FBXL19: variants seen among roughly 807,000 people sequenced by gnomAD.
FBXL19 encodes the protein F-box and leucine rich repeat protein 19.
Under a neutral mutation model 71.2 loss-of-function variants are expected in FBXL19, and 16 were observed. The observed-to-expected ratio is 0.22, with a 90% CI of 0.15 to 0.34. FBXL19 has a LOEUF of 0.34. Among genes scored for constraint, FBXL19 ranks in the 10% least tolerant of loss-of-function variants. FBXL19 has a pLI of 1.00. For synonymous variants in FBXL19, 447 were observed against 409.4 expected (o/e 1.09, Z -1.11); for missense variants, 658 against 968.2 (o/e 0.68, Z 4.25).
intron 2 of FBXL19, among the ~76,000 whole-genome samples, chr16:30,926,877 G>A (rs542869306): frequency 1.3e-5 from 2 of 152,118 alleles, no homozygotes; most frequent in Non-Finnish European, 2.9e-5. Flanking sequence ...GTGGGATTCA[G>A]AGCAACCCTT....
chr16:30,947,116 A>G lies in FBXL19; in HGVS notation c.1911A>G (p.Leu637=). 1 of 1,599,630 alleles carries G rather than the reference A, an allele frequency of 6.3e-7. No homozygotes were observed. The highest frequency in any genetic ancestry group is 8.5e-7 in the Non-Finnish European group (1 of 1,178,830). The change falls in exon 11 of 11, where the codon CTA becomes CTG. Residue 637 remains leucine, a synonymous_variant. Coordinates refer to ENST00000338343, the MANE Select transcript of FBXL19 (RefSeq NM_001382779.1). The part of the protein sequence containing the change: ...LFRRCPRLRR[L]DLRSCRQLSP... The stretch of plus-strand genomic sequence containing the variant: ...GCCGCTGCCCTCGTCTACGCCGCCT[A>G]GACCTGCGCTCCTGCCGCCAGCTCT...
intron 7 of FBXL19, among the ~76,000 whole-genome samples, chr16:30,935,294 A>T (rs947161259): frequency 6.6e-6 from 1 of 152,120 alleles, no homozygotes; most frequent in African/African-American, 2.4e-5. Context: ...TGAATGAGTG[A>T]AGGACAAGAG....
At position 30,942,025 on chromosome 16, in the gene FBXL19, T is replaced by TG; in HGVS notation, c.1302-87dup. 2 of 1,380,668 alleles carry TG rather than the reference T, an allele frequency of 1.4e-6. No homozygotes were observed. Among genetic ancestry groups the TG allele is most frequent in the South Asian group, 3.1e-5 (2 of 63,590 alleles). 85.5% of individuals were successfully genotyped at this position (1,380,668 alleles called of 1,614,324 possible). The stretch of plus-strand genomic sequence containing the variant: ...GTTGTCTGTGTGGCCAGAAGAGAGC[T>TG]GGGGTGCACCCTTGGAGCTGGGGAG... On this transcript the variant is annotated intron_variant, in intron 7 of 10. Transcript: ENST00000338343. This position sits in a 1 kb window ranked among gnomAD's most constrained non-coding sequence, Gnocchi z 5.7.
At position 30,930,320 on chromosome 16, in the gene FBXL19, A is replaced by C; in HGVS notation, c.1037A>C (p.Asn346Thr). The C allele has an allele frequency of 6.2e-7, 1 of 1,606,274 alleles. No homozygotes were observed. Among genetic ancestry groups the C allele is most frequent in the Non-Finnish European group, 8.5e-7 (1 of 1,176,160 alleles). Reference protein sequence around the residue: ...PARGSSGEKENRGGRRAVRPG... With the variant: ...PARGSSGEKETRGGRRAVRPG... ...CGGGGCAGCTCTGGCGAGAAGGAGA[A>C]CCGTGGGGGGCGGCGGGCTGTGCGC... Residue 346 changes from asparagine to threonine, a missense_variant, in exon 7 of 11, where the codon AAC (asparagine) becomes ACC (threonine). Coordinates refer to ENST00000338343, the MANE Select transcript of FBXL19 (RefSeq NM_001382779.1). This position sits in a 1 kb window ranked among gnomAD's most constrained non-coding sequence, Gnocchi z 8.5.
chr16:30,924,519 C>G (rs528215692), intron 1 of FBXL19, 60 bp downstream of exon 1: 1 of 996,676 alleles, frequency 1.0e-6, no homozygotes, highest in African/African-American at 1.7e-5. Flanking sequence ...CCCATTCATC[C>G]TCAGCCCGGC....
intron 7 of FBXL19, among the ~76,000 whole-genome samples, chr16:30,931,091 T>G (rs1444671663): frequency 1.3e-5 from 2 of 152,064 alleles, no homozygotes; most frequent in Admixed American, 1.3e-4. Flanking sequence ...GGCTTGAACC[T>G]CCTGACTCGG....
intron 7 of FBXL19, among the ~76,000 whole-genome samples, chr16:30,933,972 C>T (rs949481529): frequency 5.3e-5 from 8 of 150,152 alleles, no homozygotes; most frequent in Non-Finnish European, 1.2e-4. Context: ...AGGCTGGTCT[C>T]GAACTCCTGA....
chr16:30,927,519 C>A, intron 3 of FBXL19, 54 bp from the exon 4 acceptor site: 2 of 1,557,330 alleles, frequency 1.3e-6, no homozygotes, highest in Non-Finnish European at 1.7e-6. Context: ...TGGGGGATCA[C>A]CCTGGCTCTG....
intron 7 of FBXL19, among the ~76,000 whole-genome samples, chr16:30,938,638 T>A (rs989153580): frequency 1.3e-5 from 2 of 151,984 alleles, no homozygotes; most frequent in Non-Finnish European, 2.9e-5. Context: ...CTCCATCGGG[T>A]GCTTTTTTTC....
At chr16:30,929,114 A>G (rs73526658) in intron 6 of FBXL19, among the ~76,000 whole-genome samples, 298 of 152,298 alleles carry the variant, frequency 2.0e-3, no homozygotes, top group African/African-American at 6.9e-3. Flanking sequence ...AGGTTTGAAG[A>G]CTTGTCCAAG....
chr16:30,938,798 G>A (rs1239708849), intron 7 of FBXL19, among the ~76,000 whole-genome samples: 7 of 151,640 alleles, frequency 4.6e-5, no homozygotes, highest in African/African-American at 2.4e-5. Flanking sequence ...CACCACGCCC[G>A]GCTAATCTTT....
intron 7 of FBXL19, among the ~76,000 whole-genome samples, chr16:30,935,682 G>T (rs968606546): frequency 6.6e-6 from 1 of 152,150 alleles, no homozygotes; most frequent in African/African-American, 2.4e-5. Flanking sequence ...AGCCCTAGGG[G>T]CCGTGAGCCT....
chr16:30,924,004 G>C lies in FBXL19; in HGVS notation c.-480G>C, dbSNP rs1460369110. 2 of 144,824 alleles carry C rather than the reference G, an allele frequency of 1.4e-5. No homozygotes were observed. Among genetic ancestry groups the C allele is most frequent in the African/African-American group, 2.5e-5 (1 of 39,934 alleles). The allele number at this position is 144,824 out of a possible 1,614,324, so 9.0% of individuals were successfully genotyped here. A position where few individuals can be genotyped will look rare whatever the true frequency, so the allele number is the denominator to read the frequency against. ...TTGAACCCCGGAAACGGTGGGGGGGGCCCAGGCCTGGCACTGGACCCCTGG... is the reference window on the plus strand; with the variant it reads ...TTGAACCCCGGAAACGGTGGGGGGGCCCCAGGCCTGGCACTGGACCCCTGG... On this transcript the variant is annotated 5_prime_UTR_variant, in exon 1 of 11. Transcript: ENST00000338343.
chr16:30,935,295 A>C (rs2055720318), intron 7 of FBXL19, among the ~76,000 whole-genome samples: 1 of 152,278 alleles, frequency 6.6e-6, no homozygotes, highest in Non-Finnish European at 1.5e-5. Flanking sequence ...GAATGAGTGA[A>C]GGACAAGAGA....
At chr16:30,938,880 C>T (rs188782697) in intron 7 of FBXL19, among the ~76,000 whole-genome samples, 13 of 150,862 alleles carry the variant, frequency 8.6e-5, no homozygotes, top group Middle Eastern at 3.6e-3. Context: ...TCGTGATCCG[C>T]CTGCCTCGGC....
chr16:30,939,523 C>G (rs2055778226), intron 7 of FBXL19, among the ~76,000 whole-genome samples: 1 of 151,182 alleles, frequency 6.6e-6, no homozygotes, highest in Non-Finnish European at 1.5e-5. Flanking sequence ...ACGCCATTCT[C>G]CTGCCTCAGC....
chr16:30,947,408 T>C lies in FBXL19; in HGVS notation c.*178T>C. On this transcript the variant is annotated 3_prime_UTR_variant, in exon 11 of 11. Coordinates refer to ENST00000338343, the MANE Select transcript of FBXL19 (RefSeq NM_001382779.1). ...CCCCCTTCTTTCCCCCCTGCACTGA[T>C]ATCTCTGGGGGTTTCTCCTTCCTAT... 5 of 596,970 alleles carry C rather than the reference T, an allele frequency of 8.4e-6. No homozygotes were observed. The highest frequency in any genetic ancestry group is 1.2e-5 in the Non-Finnish European group (4 of 336,106). The allele number at this position is 596,970 out of a possible 1,614,324, so 37.0% of individuals were successfully genotyped here.
chr16:30,922,852 A>G (rs1327170974), upstream of FBXL19: 3 of 340,412 alleles, frequency 8.8e-6, no homozygotes, highest in South Asian at 4.3e-5. Context: ...GGTGGGGGGG[A>G]TTTCGAGACC....
At chr16:30,926,020 G>T (rs1380121137) in intron 2 of FBXL19, 89 bp downstream of exon 2, 8 of 1,358,084 alleles carry the variant, frequency 5.9e-6, no homozygotes, top group African/African-American at 1.5e-5. Flanking sequence ...CTGTACTGTG[G>T]AGTGGCTGTT....
Sources: allele counts gnomAD v4.1 joint callset (sites outside exome capture counted in the v4.1 genomes callset), GRCh38; gene constraint gnomAD v4.1.1; non-coding constraint Gnocchi (gnomAD v3.1); transcripts MANE v1.5; gene names NCBI Gene and HGNC (gene_info 2026-07-23, HGNC 2026-07-21).